Variants in MPP7 observed in about 807,000 individuals in gnomAD.
The protein encoded by MPP7 is MAGUK p55 subfamily member 7.
MPP7 carries 60 observed loss-of-function variants against 76.5 expected under a neutral mutation model. That is an observed-to-expected ratio of 0.78 (90% CI 0.64 to 0.97). MPP7 has a LOEUF of 0.97. MPP7 is among the 50% of genes least tolerant of loss of function. MPP7 has a pLI of 0.00. For synonymous variants in MPP7, 237 were observed against 244.5 expected (o/e 0.97, Z 0.29); for missense variants, 641 against 694.0 (o/e 0.92, Z 0.86).
At chr10:28,207,362 T>C (rs1194281213) in intron 2 of MPP7, among the ~76,000 whole-genome samples, 3 of 152,092 alleles carry the variant, frequency 2.0e-5, no homozygotes, top group Non-Finnish European at 4.4e-5. Context: ...ACAAGAACTG[T>C]AATAATTTAA....
At chr10:28,204,356 T>C (rs1467058975) in intron 2 of MPP7, among the ~76,000 whole-genome samples, 1 of 147,450 alleles carries the variant, frequency 6.8e-6, no homozygotes, top group Non-Finnish European at 1.5e-5. Context: ...GGCAGGAGAA[T>C]CACTTGAACC....
intron 3 of MPP7, among the ~76,000 whole-genome samples, chr10:28,159,572 C>T (rs1231626634): frequency 1.3e-5 from 2 of 152,144 alleles, no homozygotes; most frequent in African/African-American, 2.4e-5. Context: ...TACTGGGACA[C>T]GCTGCTTTGG....
intron 1 of MPP7, among the ~76,000 whole-genome samples, chr10:28,262,919 G>A (rs1235957524): frequency 6.6e-6 from 1 of 152,142 alleles, no homozygotes; most frequent in Non-Finnish European, 1.5e-5. Flanking sequence ...AGCCAGGAGA[G>A]GTGGCATGTG....
chr10:28,215,930 G>A (rs116466274), intron 2 of MPP7, among the ~76,000 whole-genome samples: 3 of 152,262 alleles, frequency 2.0e-5, no homozygotes, highest in South Asian at 2.1e-4. Flanking sequence ...ATGACAAAAT[G>A]TAAGTTTATC....
At chr10:28,136,719 T>C (rs1564651597) in intron 5 of MPP7, among the ~76,000 whole-genome samples, 1 of 151,934 alleles carries the variant, frequency 6.6e-6, no homozygotes, top group Admixed American at 6.6e-5. Flanking sequence ...AAGAAAAAAG[T>C]ACACTGAATG....
intron 2 of MPP7, among the ~76,000 whole-genome samples, chr10:28,211,711 A>G (rs1838143775): frequency 6.6e-6 from 1 of 152,090 alleles, no homozygotes; most frequent in Admixed American, 6.6e-5. Flanking sequence ...ATTATCTTTT[A>G]AGAGTATATA....
At chr10:28,272,752 G>A (rs1447638374) in intron 1 of MPP7, among the ~76,000 whole-genome samples, 1 of 152,108 alleles carries the variant, frequency 6.6e-6, no homozygotes, top group Non-Finnish European at 1.5e-5. Context: ...AAATGGAACA[G>A]GAGGGGAAAA....
chr10:28,114,952 C>T (rs1055533724), intron 11 of MPP7, among the ~76,000 whole-genome samples: 4 of 152,172 alleles, frequency 2.6e-5, no homozygotes, highest in Non-Finnish European at 4.4e-5. Flanking sequence ...CAACCATCTT[C>T]GATTTAAGTG....
intron 16 of MPP7, among the ~76,000 whole-genome samples, chr10:28,054,499 GATA>G (rs1001255036): frequency 2.6e-5 from 4 of 152,162 alleles, no homozygotes; most frequent in Non-Finnish European, 4.4e-5. Flanking sequence ...TGAATTGCAG[GATA>G]ATGAGTCACT....
upstream of MPP7, among the ~76,000 whole-genome samples, chr10:28,306,507 G>A (rs1180147426): frequency 6.6e-6 from 1 of 152,040 alleles, no homozygotes; most frequent in East Asian, 1.9e-4. Flanking sequence ...AATTAGCCAG[G>A]TTTGGTGGTG....
At chr10:28,255,475 C>T (rs1435777485) in intron 1 of MPP7, among the ~76,000 whole-genome samples, 1 of 148,166 alleles carries the variant, frequency 6.7e-6, no homozygotes, top group African/African-American at 2.5e-5. Context: ...AGTGCAGTGG[C>T]GTGATCTTGG....
intron 1 of MPP7, among the ~76,000 whole-genome samples, chr10:28,294,443 G>A (rs1315273667): frequency 6.6e-6 from 1 of 152,184 alleles, no homozygotes; most frequent in South Asian, 2.1e-4. Context: ...TATATAAAAT[G>A]TAAACTATAA....
intron 2 of MPP7, chr10:28,202,963 A>G (rs1438828630): frequency 6.6e-6 from 1 of 151,950 alleles, no homozygotes. Context: ...CTAGGGGCAG[A>G]CAGTAGTGCA....
chr10:28,115,699 G>A (rs574406096), intron 11 of MPP7, among the ~76,000 whole-genome samples: 4 of 152,236 alleles, frequency 2.6e-5, no homozygotes, highest in South Asian at 2.1e-4. Flanking sequence ...CAGTGAATTC[G>A]TTATTTTACT....
chr10:28,125,025 C>G lies in MPP7; in HGVS notation c.514G>C (p.Ala172Pro). 6.2e-7 allele frequency: 1 copy of G among 1,613,864 alleles called. No individual in the cohort carries two copies. Among genetic ancestry groups the G allele is most frequent in the Non-Finnish European group, 8.5e-7 (1 of 1,179,784 alleles). ...AAAGTCTCACCACTTCTATCTGCAG[C>G]TCCTCCTCTCATGATTCTGGCCACA... is the stretch of plus-strand genomic sequence containing the variant. ...IIVARIMRGG[A>P]ADRSGLIHVG... Residue 172 changes from alanine (A) to proline (P), a missense_variant, in exon 7 of 17, where the codon GCT (alanine) becomes CCT (proline). Transcript: ENST00000683449.
chr10:28,165,299 A>G (rs1836411323), intron 3 of MPP7, among the ~76,000 whole-genome samples: 1 of 152,154 alleles, frequency 6.6e-6, no homozygotes, highest in Non-Finnish European at 1.5e-5. Flanking sequence ...TCAAGGCAAG[A>G]GGATCAGTTG....
chr10:28,153,971 A>G (rs1443835111), intron 3 of MPP7, among the ~76,000 whole-genome samples: 1 of 152,182 alleles, frequency 6.6e-6, no homozygotes, highest in East Asian at 1.9e-4. Context: ...ATCTACCTCC[A>G]TATTTTAAAT....
At position 28,254,004 on chromosome 10, in the gene MPP7, GAAAAAAAAAAAA is replaced by G. The variant is rs199511617; in HGVS notation, c.-131-15281_-131-15270del. 8.6e-4 allele frequency among the ~76,000 whole-genome samples: 79 copies of G among 92,338 alleles called. 2 individuals are homozygous for G. Among genetic ancestry groups the G allele is most frequent in the Middle Eastern group, 0.018 (2 of 110 alleles). 60.6% of individuals were successfully genotyped at this position (92,338 alleles called of 152,430 possible). A position where few individuals can be genotyped will look rare whatever the true frequency, so the allele number is the denominator to read the frequency against. On this transcript the variant is annotated intron_variant, in intron 1 of 16. Transcript: ENST00000683449. Reference sequence around the variant, plus strand: ...GAGAGAGAGTCTGTCTCACAAAAAAGAAAAAAAAAAAAAAAAAAAAAAAAAAAGACATACTTT... The same window carrying G: ...GAGAGAGAGTCTGTCTCACAAAAAAGAAAAAAAAAAAAAAAGACATACTTT...
chr10:28,272,438 T>C (rs1840355220), intron 1 of MPP7, among the ~76,000 whole-genome samples: 1 of 152,242 alleles, frequency 6.6e-6, no homozygotes, highest in African/African-American at 2.4e-5. Flanking sequence ...TATATAGTTA[T>C]AGACATAAGT....
Sources: allele counts gnomAD v4.1 joint callset (sites outside exome capture counted in the v4.1 genomes callset), GRCh38; gene constraint gnomAD v4.1.1; transcripts MANE v1.5; gene names NCBI Gene and HGNC (gene_info 2026-07-23, HGNC 2026-07-21).